Variants in NIPSNAP2 observed in about 807,000 individuals in gnomAD.
NIPSNAP2 encodes the protein protein NipSnap homolog 2.
NIPSNAP2 carries 42 observed loss-of-function variants against 48.4 expected under a neutral mutation model. That is an observed-to-expected ratio of 0.87 (90% CI 0.68 to 1.12). NIPSNAP2 has a LOEUF of 1.12. NIPSNAP2 is among the 50% of genes most tolerant of loss of function. NIPSNAP2 has a pLI of 0.00. For missense variants in NIPSNAP2, 314 were observed against 347.3 expected, an observed-to-expected ratio of 0.90 and a Z score of 0.76; for synonymous variants, 158 against 126.6, an observed-to-expected ratio of 1.25 and a Z score of -1.67.
At chr7:55,998,408 C>T (rs976289670) in intron 9 of NIPSNAP2, among the ~76,000 whole-genome samples, 7 of 150,726 alleles carry the variant, frequency 4.6e-5, no homozygotes, top group East Asian at 1.9e-4. Context: ...GCTGCTTACG[C>T]GAACGTTTGA....
intron 7 of NIPSNAP2, among the ~76,000 whole-genome samples, chr7:55,992,826 C>T (rs1385430765): frequency 6.6e-6 from 1 of 152,154 alleles, no homozygotes; most frequent in Non-Finnish European, 1.5e-5. Flanking sequence ...GGTGTGTCAT[C>T]TCCTGATAGA....
chr7:55,993,471 C>T (rs903100354), intron 7 of NIPSNAP2, among the ~76,000 whole-genome samples: 11 of 151,180 alleles, frequency 7.3e-5, no homozygotes, highest in Non-Finnish European at 1.3e-4. Context: ...CCCAGCTACT[C>T]GGGAGGTTGA....
chr7:55,989,254 C>T (rs537104463), intron 7 of NIPSNAP2, among the ~76,000 whole-genome samples: 1 of 152,098 alleles, frequency 6.6e-6, no homozygotes, highest in Non-Finnish European at 1.5e-5. Context: ...TAACAAAATA[C>T]CAGCTTTCAC....
intron 8 of NIPSNAP2, among the ~76,000 whole-genome samples, chr7:55,995,783 G>A (rs1174274161): frequency 6.6e-6 from 1 of 152,178 alleles, no homozygotes; most frequent in African/African-American, 2.4e-5. Flanking sequence ...ACCAGAGTGT[G>A]AATGGCGGAG....
rs1308295067 is a variant in NIPSNAP2, at chr7:55,987,252, G to A, written c.617+2374G>A. 4.6e-5 allele frequency among the ~76,000 whole-genome samples: 7 copies of A among 152,086 alleles called. No homozygotes were observed. In the South Asian group the frequency reaches 6.2e-4, roughly 14 times the overall value. ...TTCAAAGCAGATCTCAAAAAGATTC[G>A]CATACCCATGTTTATCATAGCTTTA... On this transcript the variant is annotated intron_variant, in intron 7 of 9. Coordinates refer to ENST00000322090, the MANE Select transcript of NIPSNAP2 (RefSeq NM_001483.3).
At chr7:55,978,501 T>C (rs1239185743) in intron 3 of NIPSNAP2, 106 bp downstream of exon 3, 4 of 1,042,382 alleles carry the variant, frequency 3.8e-6, no homozygotes, top group Non-Finnish European at 5.5e-6. Context: ...CATCCCTCTC[T>C]TTTGAAGCTG....
At chr7:55,964,771 CG>C in intron 1 of NIPSNAP2, 70 bp downstream of exon 1, 1 of 797,174 alleles carries the variant, frequency 1.3e-6, no homozygotes, top group Non-Finnish European at 1.6e-6. Context: ...GCGGGTTTCC[CG>C]GCGCCGGTCT....
chr7:55,974,926 A>G lies in NIPSNAP2; in HGVS notation c.93-3200A>G, dbSNP rs572651108. ...TAAAGAGATCCCCAAGAAGAGGTTC[A>G]CACTGGCCCATCAGCATCTGGACTT... is the stretch of plus-strand genomic sequence containing the variant. On this transcript the variant is annotated intron_variant, in intron 1 of 9. Coordinates refer to ENST00000322090, the MANE Select transcript of NIPSNAP2 (RefSeq NM_001483.3). Among the ~76,000 whole-genome samples the G allele has an allele frequency of 2.6e-5, 4 of 151,882 alleles. No homozygotes were observed. The East Asian group carries it at 7.8e-4, about 30-fold the overall frequency.
intron 7 of NIPSNAP2, among the ~76,000 whole-genome samples, chr7:55,986,667 A>G (rs1177269744): frequency 1.3e-5 from 2 of 152,016 alleles, no homozygotes; most frequent in Non-Finnish European, 1.5e-5. Flanking sequence ...AAAACAAAAC[A>G]AAAAATTGCC....
At chr7:55,975,409 G>A (rs2116339910) in intron 1 of NIPSNAP2, among the ~76,000 whole-genome samples, 1 of 152,172 alleles carries the variant, frequency 6.6e-6, no homozygotes, top group South Asian at 2.1e-4. Context: ...CTGGCCAGAG[G>A]TAAGATCACC....
At chr7:55,983,997 AT>A in intron 6 of NIPSNAP2, 129 bp downstream of exon 6, 1 of 675,842 alleles carries the variant, frequency 1.5e-6, no homozygotes, top group Non-Finnish European at 2.2e-6. Flanking sequence ...ATATATATGT[AT>A]TTTTTTAAGA....
chr7:55,964,733 G>A (rs1786854217), intron 1 of NIPSNAP2, 32 bp downstream of exon 1: 1 of 1,058,110 alleles, frequency 9.5e-7, no homozygotes, highest in Admixed American at 5.1e-5. Flanking sequence ...GGGAGGTGCC[G>A]GGGAGGGGCC....
intron 6 of NIPSNAP2, 140 bp from the exon 7 acceptor site, chr7:55,984,706 AG>A: frequency 1.4e-6 from 1 of 695,258 alleles, no homozygotes; most frequent in Non-Finnish European, 2.4e-6. Context: ...TGACGGAGCA[AG>A]ATTCTGTCTC....
intron 7 of NIPSNAP2, 72 bp downstream of exon 7, chr7:55,984,950 A>AG: frequency 8.1e-7 from 1 of 1,237,430 alleles, no homozygotes; most frequent in Non-Finnish European, 1.2e-6. Flanking sequence ...TGTTAATTCT[A>AG]GGGAAAAAAA....
intron 1 of NIPSNAP2, among the ~76,000 whole-genome samples, chr7:55,968,569 A>G (rs1481741193): frequency 2.6e-5 from 4 of 151,708 alleles, no homozygotes; most frequent in East Asian, 1.9e-4. Context: ...TGTATTTTTA[A>G]TAGAGATGGG....
intron 6 of NIPSNAP2, 109 bp downstream of exon 6, chr7:55,983,977 C>CGTT: frequency 2.2e-6 from 1 of 458,968 alleles, no homozygotes; most frequent in Admixed American, 4.4e-5. Context: ...GTATGTCTAG[C>CGTT]ATTATATGTA....
intron 6 of NIPSNAP2, 53 bp from the exon 7 acceptor site, chr7:55,984,794 G>GT (rs1245520258): frequency 1.4e-5 from 20 of 1,456,174 alleles, no homozygotes; most frequent in Non-Finnish European, 1.7e-5. Flanking sequence ...TGCTATTTCT[G>GT]TATTTTTTTT....
chr7:55,978,237 G>C lies in NIPSNAP2; in HGVS notation c.204G>C (p.Lys68Asn), dbSNP rs775360311. 1 of 1,614,090 alleles carries C rather than the reference G, an allele frequency of 6.2e-7. No homozygotes were observed. The highest frequency in any genetic ancestry group is 8.5e-7 in the Non-Finnish European group (1 of 1,180,022). The change falls in exon 2 of 10, where the codon AAG becomes AAC. Residue 68 changes from lysine (K) to asparagine (N), a missense_variant. This residue lies in a region of NIPSNAP2 where 198 missense variants were observed against 185.5 expected (regional missense o/e 1.07). Transcript: ENST00000322090. ...CCCACTCCAATCTCCTAGCCAAAAAGGAAACAAGCAATCTATACAAATTAC... is the reference window on the plus strand; with the variant it reads ...CCCACTCCAATCTCCTAGCCAAAAACGAAACAAGCAATCTATACAAATTAC... ...KDAHSNLLAK[K>N]ETSNLYKLQF...
intron 1 of NIPSNAP2, among the ~76,000 whole-genome samples, chr7:55,975,277 C>G (rs959007966): frequency 2.6e-5 from 4 of 151,784 alleles, no homozygotes; most frequent in Admixed American, 2.0e-4. Context: ...CGTTTGAGCT[C>G]TGGGGGTCAA....
Sources: gnomAD v4.1 joint callset for allele counts (sites outside exome capture counted in the v4.1 genomes callset) on GRCh38, gnomAD v4.1.1 for gene constraint, gnomAD v4.1.1 regional missense constraint, MANE v1.5 for transcripts, NCBI Gene and HGNC (gene_info 2026-07-23, HGNC 2026-07-21) for gene names.